Variants in PARD3B observed in about 807,000 individuals in gnomAD.
PARD3B encodes the protein par-3 family cell polarity regulator beta.
PARD3B carries 103 observed loss-of-function variants against 130.2 expected under a neutral mutation model. That is an observed-to-expected ratio of 0.79 (90% CI 0.67 to 0.93). The LOEUF is 0.93. Ranked by LOEUF, PARD3B falls within the 40% of genes least tolerant of loss-of-function variation. The pLI is 0.00. For synonymous variants in PARD3B, 583 were observed against 553.2 expected, an observed-to-expected ratio of 1.05 and a Z score of -0.76; for missense variants, 1,609 against 1,499.2, an observed-to-expected ratio of 1.07 and a Z score of -1.21.
At chr2:204,719,123 T>C (rs1220734390) in intron 2 of PARD3B, among the ~76,000 whole-genome samples, 2 of 152,354 alleles carry the variant, frequency 1.3e-5, no homozygotes, top group East Asian at 1.9e-4. Flanking sequence ...TTTCATACTA[T>C]TGAACTTCAT....
At chr2:205,088,457 A>G (rs1701878051) in intron 4 of PARD3B, among the ~76,000 whole-genome samples, 1 of 152,030 alleles carries the variant, frequency 6.6e-6, no homozygotes, top group Non-Finnish European at 1.5e-5. Flanking sequence ...GCTTGGGGGG[A>G]TGACTGAGTT....
At chr2:204,933,330 T>C (rs1315198802) in intron 2 of PARD3B, among the ~76,000 whole-genome samples, 2 of 152,192 alleles carry the variant, frequency 1.3e-5, no homozygotes, top group South Asian at 4.1e-4. Context: ...TTACATTTGA[T>C]TTTAATTGAT....
At chr2:205,238,687 C>T (rs2039178531) in intron 15 of PARD3B, among the ~76,000 whole-genome samples, 1 of 150,422 alleles carries the variant, frequency 6.6e-6, no homozygotes, top group African/African-American at 2.4e-5. Context: ...CAAAAATTAG[C>T]TGGGCCTGGT....
intron 22 of PARD3B, among the ~76,000 whole-genome samples, chr2:205,581,132 T>C (rs1017336113): frequency 7.9e-5 from 12 of 151,584 alleles, no homozygotes; most frequent in African/African-American, 2.9e-4. Context: ...ATATCTGCCC[T>C]CCCACGTTTA....
chr2:204,758,331 A>G (rs180869862), intron 2 of PARD3B, among the ~76,000 whole-genome samples: 4 of 152,250 alleles, frequency 2.6e-5, no homozygotes, highest in Admixed American at 6.5e-5. Context: ...TCCCTAAGGC[A>G]TGTTTCACTG....
chr2:205,129,226 C>T (rs574368894), intron 10 of PARD3B, among the ~76,000 whole-genome samples: 20 of 152,324 alleles, frequency 1.3e-4, no homozygotes, highest in African/African-American at 4.3e-4. Flanking sequence ...ACCTAAGTCA[C>T]GTGGACCCAT....
At chr2:205,124,125 T>G (rs572992707) in intron 8 of PARD3B, among the ~76,000 whole-genome samples, 16 of 152,314 alleles carry the variant, frequency 1.1e-4, no homozygotes, top group African/African-American at 3.4e-4. Context: ...GGCCCTAAAT[T>G]CACTTTGATA....
chr2:205,591,745 C>T lies in PARD3B; in HGVS notation c.3261-23711C>T, dbSNP rs2054392523. ...CATACAAGGAGGGAATCAGGAGGGA[C>T]CCCAGTCAGATGAGATAAAAAGAGA... On this transcript the variant is annotated intron_variant, in intron 22 of 22. Transcript: ENST00000406610. This position sits in a 1 kb window ranked among gnomAD's most constrained non-coding sequence, Gnocchi z 4.2. 6.6e-6 allele frequency among the ~76,000 whole-genome samples: 1 copy of T among 152,048 alleles called. No homozygotes were observed. Among genetic ancestry groups the T allele is most frequent in the Non-Finnish European group, 1.5e-5 (1 of 67,990 alleles).
chr2:204,896,388 G>A (rs2125697625), intron 2 of PARD3B, among the ~76,000 whole-genome samples: 1 of 152,282 alleles, frequency 6.6e-6, no homozygotes, highest in South Asian at 2.1e-4. Context: ...ATGATGTGAA[G>A]CTCAAGGGCT....
intron 10 of PARD3B, among the ~76,000 whole-genome samples, chr2:205,154,838 T>C (rs1039789318): frequency 9.2e-5 from 14 of 152,128 alleles, no homozygotes; most frequent in African/African-American, 3.1e-4. Flanking sequence ...TAGGTGGGAA[T>C]TGAACAATGA....
In PARD3B at chr2:205,114,831, A is replaced by G. The variant is rs370202304; in HGVS notation, c.680+1254A>G. 9.2e-5 allele frequency among the ~76,000 whole-genome samples: 14 copies of G among 152,136 alleles called. No individual in the cohort carries two copies. The East Asian group carries it at 2.3e-3, about 25-fold the overall frequency. ...TGTTCCCCAAAAGAAATGAACCAAAAAGCTAGCAACTCTTATTGTCTCATT... is the reference window on the plus strand; with the variant it reads ...TGTTCCCCAAAAGAAATGAACCAAAGAGCTAGCAACTCTTATTGTCTCATT... On this transcript the variant is annotated intron_variant, in intron 6 of 22. Coordinates refer to ENST00000406610, the MANE Select transcript of PARD3B (RefSeq NM_001302769.2).
At position 205,407,085 on chromosome 2, in the gene PARD3B, T is replaced by G. The variant is rs2046438963; in HGVS notation, c.2741+5962T>G. ...GTATGGAAGCATTTACTTTTACTTT[T>G]CTAGAGCAATAATTATTGAACTTGT... On this transcript the variant is annotated intron_variant, in intron 19 of 22. Transcript: ENST00000406610. This position sits in a 1 kb window ranked among gnomAD's most constrained non-coding sequence, Gnocchi z 4.1. Among the ~76,000 whole-genome samples, 3 of 152,342 alleles carry G rather than the reference T, an allele frequency of 2.0e-5. No homozygotes were observed. The highest frequency in any genetic ancestry group is 4.8e-5 in the African/African-American group (2 of 41,582).
At chr2:205,164,011 T>C (rs1451786232) in intron 11 of PARD3B, among the ~76,000 whole-genome samples, 1 of 152,204 alleles carries the variant, frequency 6.6e-6, no homozygotes, top group Non-Finnish European at 1.5e-5. Flanking sequence ...ACTCCTCAAA[T>C]GTAAGAAGCC....
At chr2:205,532,931 G>A (rs2051667155) in intron 21 of PARD3B, among the ~76,000 whole-genome samples, 2 of 152,184 alleles carry the variant, frequency 1.3e-5, no homozygotes, top group Non-Finnish European at 1.5e-5. Context: ...ATATTAAAGT[G>A]TGCTGCTGAA....
intron 2 of PARD3B, among the ~76,000 whole-genome samples, chr2:204,696,176 T>A (rs2037600290): frequency 6.6e-6 from 1 of 151,750 alleles, no homozygotes; most frequent in Admixed American, 6.6e-5. Flanking sequence ...TATCTTAGGT[T>A]AGGAAAAATC....
chr2:204,814,360 A>G (rs1249690141), intron 2 of PARD3B, among the ~76,000 whole-genome samples: 1 of 151,766 alleles, frequency 6.6e-6, no homozygotes, highest in Non-Finnish European at 1.5e-5. Context: ...TATATCATGT[A>G]CAATTATATA....
At chr2:205,337,057 T>C (rs896464713) in intron 18 of PARD3B, among the ~76,000 whole-genome samples, 1 of 152,150 alleles carries the variant, frequency 6.6e-6, no homozygotes, top group African/African-American at 2.4e-5. Flanking sequence ...TATTTTTAGG[T>C]TCTTTGTGAC....
rs2046105993 is a variant in PARD3B at position 204,882,803 on chromosome 2, A to C, written c.223-82349A>C. On this transcript the variant is annotated intron_variant, in intron 2 of 22. Coordinates refer to ENST00000406610, the MANE Select transcript of PARD3B (RefSeq NM_001302769.2). Reference sequence around the variant, plus strand: ...TTTTCGGAGAGGTCAGGTGATTATGAATCTCTAATAAAGGTTTTAAACTAC... The same window carrying C: ...TTTTCGGAGAGGTCAGGTGATTATGCATCTCTAATAAAGGTTTTAAACTAC... Among the ~76,000 whole-genome samples, 2 of 152,124 alleles carry C rather than the reference A, an allele frequency of 1.3e-5. 1 individual carries two copies. Among genetic ancestry groups the C allele is most frequent in the South Asian group, 4.1e-4 (2 of 4,826 alleles).
At chr2:205,369,522 A>G (rs1177268922) in intron 18 of PARD3B, among the ~76,000 whole-genome samples, 2 of 152,168 alleles carry the variant, frequency 1.3e-5, no homozygotes, top group East Asian at 1.9e-4. Context: ...TCCTGTCTAC[A>G]TGACCCACCA....
Sources: gnomAD v4.1 joint callset for allele counts (sites outside exome capture counted in the v4.1 genomes callset) on GRCh38, gnomAD v4.1.1 for gene constraint, Gnocchi (gnomAD v3.1) non-coding constraint, MANE v1.5 for transcripts, NCBI Gene and HGNC (gene_info 2026-07-23, HGNC 2026-07-21) for gene names.